The following CDH13 variants were observed in gnomAD, a reference collection of about 807,000 sequenced individuals.
CDH13 encodes cadherin-13.
In CDH13, 24 loss-of-function variants were observed where a neutral mutation model predicts 63.8. That is an observed-to-expected ratio of 0.38 (90% CI 0.27 to 0.53). The LOEUF is 0.53. Among genes scored for constraint, CDH13 ranks in the 20% least tolerant of loss-of-function variants. The pLI, the probability that CDH13 is intolerant of heterozygous loss-of-function variation, is 0.85. For missense variants in CDH13, 1,049 were observed against 903.1 expected, an observed-to-expected ratio of 1.16 and a Z score of -2.07; for synonymous variants, 503 against 355.3, an observed-to-expected ratio of 1.42 and a Z score of -4.67.
chr16:83,411,330 C>T (rs1427848247), intron 6 of CDH13, among the ~76,000 whole-genome samples: 1 of 152,148 alleles, frequency 6.6e-6, no homozygotes, highest in Non-Finnish European at 1.5e-5. Flanking sequence ...TTAAACCTCC[C>T]ACTTTTCTTT....
Position 83,177,853 on chromosome 16 carries a change from T to G in CDH13, c.484-39492T>G, listed in dbSNP as rs149311519. Among the ~76,000 whole-genome samples, 868 of 152,318 alleles carry G rather than the reference T, an allele frequency of 5.7e-3. 10 individuals are homozygous for G. Among genetic ancestry groups the G allele is most frequent in the African/African-American group, 0.02 (841 of 41,586 alleles). ...CAATGATAATTATTTGCAGTAGTAT[T>G]ACCTAATACCTGCTTTTCCCACCAT... On this transcript the variant is annotated intron_variant, in intron 4 of 13. Transcript: ENST00000567109.
At chr16:83,253,988 A>ACTT (rs1905906504) in intron 5 of CDH13, among the ~76,000 whole-genome samples, 1 of 152,194 alleles carries the variant, frequency 6.6e-6, no homozygotes, top group Admixed American at 6.5e-5. Flanking sequence ...TCTTAGATAG[A>ACTT]GAGCCAGCAC....
chr16:83,608,341 A>T (rs1908539401), intron 8 of CDH13, among the ~76,000 whole-genome samples: 1 of 152,244 alleles, frequency 6.6e-6, no homozygotes, highest in Admixed American at 6.5e-5. Context: ...GGAGCTGTCA[A>T]GCTGCAAGTG....
chr16:83,062,152 T>A lies in CDH13; in HGVS notation c.366+29934T>A, dbSNP rs79062761. Among the ~76,000 whole-genome samples, 1,163 of 152,316 alleles carry A rather than the reference T, an allele frequency of 7.6e-3. 44 individuals are homozygous for A. The highest frequency in any genetic ancestry group is 0.058 in the East Asian group (299 of 5,176). On this transcript the variant is annotated intron_variant, in intron 3 of 13. Coordinates refer to ENST00000567109, the MANE Select transcript of CDH13 (RefSeq NM_001257.5). ...GGAAAGACAGAGCCTGCTCTAGGAATAATGATGTCAAAGATCTTTCTCATT... is the reference window on the plus strand; with the variant it reads ...GGAAAGACAGAGCCTGCTCTAGGAAAAATGATGTCAAAGATCTTTCTCATT...
intron 6 of CDH13, among the ~76,000 whole-genome samples, chr16:83,478,294 C>G (rs2073664974): frequency 6.6e-6 from 1 of 152,186 alleles, no homozygotes; most frequent in Admixed American, 6.6e-5. Context: ...AACCCCACCT[C>G]TCCCGGTTGC....
At chr16:82,981,518 G>C (rs779946799) in intron 2 of CDH13, among the ~76,000 whole-genome samples, 1 of 152,094 alleles carries the variant, frequency 6.6e-6, no homozygotes, top group African/African-American at 2.4e-5. Flanking sequence ...GTCTTTCCTT[G>C]TTAGGGCTTA....
chr16:83,328,140 A>T (rs1337779552), intron 5 of CDH13, among the ~76,000 whole-genome samples: 1 of 145,664 alleles, frequency 6.9e-6, no homozygotes, highest in Non-Finnish European at 1.5e-5. Context: ...AAAAAAAAAG[A>T]AAAAGAAAAA....
At chr16:82,807,586 C>T (rs576284735) in intron 1 of CDH13, among the ~76,000 whole-genome samples, 1 of 152,066 alleles carries the variant, frequency 6.6e-6, no homozygotes, top group African/African-American at 2.4e-5. Flanking sequence ...GGGCTAAGGA[C>T]CCCTGGAAGT....
intron 2 of CDH13, among the ~76,000 whole-genome samples, chr16:83,031,630 G>T (rs941586215): frequency 6.6e-6 from 1 of 151,816 alleles, no homozygotes; most frequent in Non-Finnish European, 1.5e-5. Flanking sequence ...TATTGACTCT[G>T]TGCAGCTCTC....
intron 7 of CDH13, among the ~76,000 whole-genome samples, chr16:83,529,355 A>C (rs1216078707): frequency 6.6e-6 from 1 of 152,170 alleles, no homozygotes; most frequent in Non-Finnish European, 1.5e-5. Context: ...AAAAATAATA[A>C]AACCTTAATA....
intron 2 of CDH13, among the ~76,000 whole-genome samples, chr16:82,940,576 A>G (rs916951363): frequency 2.0e-5 from 3 of 152,184 alleles, no homozygotes; most frequent in African/African-American, 7.2e-5. Context: ...GGAGAGCTGG[A>G]TTCTTCTTAC....
Position 83,195,559 on chromosome 16 carries a change from C to T in CDH13, c.484-21786C>T, listed in dbSNP as rs557315264. Among the ~76,000 whole-genome samples, 19 of 152,168 alleles carry T rather than the reference C, an allele frequency of 1.2e-4. No homozygotes were observed. In the East Asian group the frequency reaches 3.1e-3, roughly 25 times the overall value. The stretch of plus-strand genomic sequence containing the variant: ...ACCAGATCTCCTGAGAACTCTATCA[C>T]GAGAATAGCACTAGGAGGGTGGTGC... On this transcript the variant is annotated intron_variant, in intron 4 of 13. Coordinates refer to ENST00000567109, the MANE Select transcript of CDH13 (RefSeq NM_001257.5).
chr16:83,597,350 C>G (rs1261707803), intron 7 of CDH13, among the ~76,000 whole-genome samples: 1 of 152,268 alleles, frequency 6.6e-6, no homozygotes, highest in East Asian at 1.9e-4. Context: ...ATGAACAGCT[C>G]TGTAAACACT....
chr16:83,558,183 C>G (rs139898481), intron 7 of CDH13, among the ~76,000 whole-genome samples: 1 of 152,152 alleles, frequency 6.6e-6, no homozygotes, highest in African/African-American at 2.4e-5. Context: ...TTGAGACCAT[C>G]ACATTTGCTT....
At chr16:83,327,233 C>T (rs1160495122) in intron 5 of CDH13, among the ~76,000 whole-genome samples, 2 of 152,168 alleles carry the variant, frequency 1.3e-5, no homozygotes, top group Non-Finnish European at 2.9e-5. Flanking sequence ...TCAGTCACTG[C>T]CACACAATGA....
intron 5 of CDH13, among the ~76,000 whole-genome samples, chr16:83,278,907 T>A (rs796858007): frequency 2.8e-4 from 42 of 152,298 alleles, no homozygotes; most frequent in African/African-American, 1.0e-3. Flanking sequence ...ATAATCAGTC[T>A]TATCAGAATA....
chr16:82,885,048 A>T (rs956590699), intron 2 of CDH13, among the ~76,000 whole-genome samples: 1 of 151,956 alleles, frequency 6.6e-6, no homozygotes, highest in African/African-American at 2.4e-5. Flanking sequence ...GTGTATTCTA[A>T]TTTTTCTTCC....
At chr16:83,017,012 C>A (rs906251533) in intron 2 of CDH13, among the ~76,000 whole-genome samples, 4 of 152,140 alleles carry the variant, frequency 2.6e-5, no homozygotes, top group Non-Finnish European at 2.9e-5. Context: ...TCCGTAGGAA[C>A]TTCAAATCTC....
At chr16:83,026,004 C>A (rs550248819) in intron 2 of CDH13, among the ~76,000 whole-genome samples, 2 of 152,238 alleles carry the variant, frequency 1.3e-5, no homozygotes, top group African/African-American at 4.8e-5. Context: ...TCTTAGATGG[C>A]CAGCCTTGAG....
Sources: allele counts gnomAD v4.1 joint callset (sites outside exome capture counted in the v4.1 genomes callset), GRCh38; gene constraint gnomAD v4.1.1; transcripts MANE v1.5; gene names NCBI Gene and HGNC (gene_info 2026-07-23, HGNC 2026-07-21).